The following COL22A1 variants were observed in gnomAD, a reference collection of about 807,000 sequenced individuals.
COL22A1 encodes the protein collagen alpha-1(XXII) chain.
COL22A1 carries 221 observed loss-of-function variants against 248.9 expected under a neutral mutation model. The observed-to-expected ratio is 0.89, with a 90% CI of 0.80 to 0.99. COL22A1 has a LOEUF of 0.99. Among genes scored for constraint, COL22A1 ranks in the 50% least tolerant of loss-of-function variants. The pLI, the probability that COL22A1 is intolerant of heterozygous loss-of-function variation, is 0.00. For missense variants in COL22A1, 2,240 were observed against 2,179.0 expected (o/e 1.03, Z -0.56); for synonymous variants, 891 against 793.4 (o/e 1.12, Z -2.07).
At chr8:138,794,386 C>CAA (rs753489322) in intron 12 of COL22A1, among the ~76,000 whole-genome samples, 1,456 of 128,616 alleles carry the variant, frequency 0.011, 31 homozygotes, top group African/African-American at 0.039. Flanking sequence ...ACTCCATCTC[C>CAA]AAAAAAAAAA....
At chr8:138,594,223 A>T in intron 62 of COL22A1, 24 bp from the exon 63 acceptor site, 1 of 1,556,874 alleles carries the variant, frequency 6.4e-7, no homozygotes. Context: ...AAAGAGAGGC[A>T]TTTCATGAAG....
intron 52 of COL22A1, chr8:138,620,590 G>A (rs1206497031): frequency 6.6e-6 from 1 of 152,144 alleles, no homozygotes; most frequent in Non-Finnish European, 1.5e-5. Flanking sequence ...TACATAGCCT[G>A]GCTCCTGCCT....
intron 48 of COL22A1, among the ~76,000 whole-genome samples, chr8:138,636,100 G>A (rs533706936): frequency 6.6e-6 from 1 of 152,288 alleles, no homozygotes; most frequent in African/African-American, 2.4e-5. Context: ...ACAGGGAAAA[G>A]GATGACAGCA....
At chr8:138,895,446 C>CA (rs1465860797) in intron 1 of COL22A1, among the ~76,000 whole-genome samples, 5 of 151,180 alleles carry the variant, frequency 3.3e-5, no homozygotes, top group African/African-American at 7.3e-5. Flanking sequence ...AAACTCTCAG[C>CA]AAAAAATAGG....
In COL22A1 at chr8:138,753,313, T is replaced by C. The variant is rs557260581; in HGVS notation, c.2032-1802A>G. Among the ~76,000 whole-genome samples the C allele has an allele frequency of 5.9e-5, 9 of 152,314 alleles. No individual in the cohort carries two copies. In the South Asian group the frequency reaches 1.9e-3, roughly 32 times the overall value. The stretch of plus-strand genomic sequence containing the variant: ...GAGATGTTGGTCCTCGACTAAAGAA[T>C]CTTATAGTCTTGGGCCTCTCATTAC... On this transcript the variant is annotated intron_variant, in intron 21 of 64. Coordinates refer to ENST00000303045, the MANE Select transcript of COL22A1 (RefSeq NM_152888.3).
intron 35 of COL22A1, among the ~76,000 whole-genome samples, chr8:138,692,991 C>T (rs1420018453): frequency 1.3e-5 from 2 of 152,158 alleles, no homozygotes; most frequent in African/African-American, 4.8e-5. Context: ...GCTGCTGCTG[C>T]TCCTCTTGCC....
chr8:138,840,015 C>T (rs1431338436), intron 4 of COL22A1, among the ~76,000 whole-genome samples: 1 of 152,176 alleles, frequency 6.6e-6, no homozygotes, highest in Non-Finnish European at 1.5e-5. Flanking sequence ...TGCCTCCAAT[C>T]TCCTGCGTCT....
In COL22A1 at chr8:138,617,053, C is replaced by A. The variant is rs1819392945; in HGVS notation, c.3826-95G>T. ...TCCCTGCCGGCTTTGACCCACGTTG[C>A]CCCCGCTCATTCTTTACCATTTGCA... On this transcript the variant is annotated intron_variant, in intron 53 of 64. Transcript: ENST00000303045. 3 of 1,307,650 alleles carry A rather than the reference C, an allele frequency of 2.3e-6. No individual in the cohort carries two copies. The African/African-American group carries it at 4.4e-5, about 19-fold the overall frequency. 81.0% of individuals were successfully genotyped at this position (1,307,650 alleles called of 1,614,324 possible).
At chr8:138,830,795 CT>C (rs1271557916) in intron 5 of COL22A1, among the ~76,000 whole-genome samples, 1 of 151,822 alleles carries the variant, frequency 6.6e-6, no homozygotes, top group Non-Finnish European at 1.5e-5. Context: ...TGATTTTTTT[CT>C]GCTTACAAGT....
At chr8:138,677,124 G>A (rs1158243153) in intron 40 of COL22A1, among the ~76,000 whole-genome samples, 1 of 152,196 alleles carries the variant, frequency 6.6e-6, no homozygotes, top group Non-Finnish European at 1.5e-5. Context: ...GCCTAAAGGG[G>A]ACCGAGATAA....
At chr8:138,645,544 T>C (rs764512367) in intron 47 of COL22A1, among the ~76,000 whole-genome samples, 5 of 152,198 alleles carry the variant, frequency 3.3e-5, no homozygotes, top group Non-Finnish European at 7.4e-5. Flanking sequence ...CAGCCACACT[T>C]TGTCATTCTT....
rs1822913170 is a variant in COL22A1, at chr8:138,866,596, C to G, written c.658+11154G>C. ...AGCTGAAGCCTTGTGCATGGCATGA[C>G]CCTAGTCAATGAGATCATCACACCT... On this transcript the variant is annotated intron_variant, in intron 3 of 64. Transcript: ENST00000303045. 2.0e-5 allele frequency among the ~76,000 whole-genome samples: 3 copies of G among 152,226 alleles called. No individual in the cohort carries two copies. The South Asian group carries it at 6.2e-4, about 31-fold the overall frequency.
chr8:138,827,510 G>A (rs539079816), intron 5 of COL22A1, among the ~76,000 whole-genome samples: 195 of 152,074 alleles, frequency 1.3e-3, no homozygotes, highest in Admixed American at 2.8e-3. Context: ...ACGGTGCTTT[G>A]TCATGGCGGC....
At chr8:138,633,269 A>T (rs1215424250) in intron 49 of COL22A1, among the ~76,000 whole-genome samples, 6 of 152,260 alleles carry the variant, frequency 3.9e-5, no homozygotes, top group Non-Finnish European at 8.8e-5. Flanking sequence ...ATAGAAGCTC[A>T]ATAAACATCT....
At chr8:138,778,033 G>A in intron 15 of COL22A1, 1 of 430,494 alleles carries the variant, frequency 2.3e-6, no homozygotes, top group South Asian at 2.1e-5. Context: ...AGGACAGGCT[G>A]GGGAAAATGA....
chr8:138,821,581 C>T (rs1819137868), intron 6 of COL22A1, among the ~76,000 whole-genome samples, 170 bp from the exon 7 acceptor site: 1 of 152,210 alleles, frequency 6.6e-6, no homozygotes. Flanking sequence ...CGTCACACCT[C>T]TGAGAGCCTC....
intron 3 of COL22A1, among the ~76,000 whole-genome samples, chr8:138,853,687 C>T (rs1316737264): frequency 2.0e-5 from 3 of 152,098 alleles, no homozygotes; most frequent in Non-Finnish European, 2.9e-5. Context: ...GGGATTAAGG[C>T]GGTGCTAGTG....
chr8:138,697,886 T>C (rs1003081130), intron 32 of COL22A1, among the ~76,000 whole-genome samples: 5 of 152,166 alleles, frequency 3.3e-5, no homozygotes, highest in Non-Finnish European at 7.3e-5. Context: ...TTGCCCACAA[T>C]GAAACTTTTT....
chr8:138,805,505 G>GTGTGTGTT (rs1817475629), intron 10 of COL22A1, among the ~76,000 whole-genome samples: 1 of 145,398 alleles, frequency 6.9e-6, no homozygotes, highest in African/African-American at 2.7e-5. Context: ...GTGTGTGTGT[G>GTGTGTGTT]ATGGTGTGTG....
Sources: gnomAD v4.1 joint callset for allele counts (sites outside exome capture counted in the v4.1 genomes callset) on GRCh38, gnomAD v4.1.1 for gene constraint, MANE v1.5 for transcripts, NCBI Gene and HGNC (gene_info 2026-07-23, HGNC 2026-07-21) for gene names.